Variants in KCNQ3 observed in about 807,000 individuals in gnomAD.
KCNQ3 encodes potassium voltage-gated channel subfamily KQT member 3.
Under a neutral mutation model 92.5 loss-of-function variants are expected in KCNQ3, and 30 were observed. That is an observed-to-expected ratio of 0.32 (90% CI 0.24 to 0.44). KCNQ3 has a LOEUF of 0.44. Among genes scored for constraint, KCNQ3 ranks in the 20% least tolerant of loss-of-function variants. The probability of loss-of-function intolerance (pLI) is 1.00; values close to 1 mark genes in which losing one functional copy is unlikely to be tolerated. For missense variants in KCNQ3, 913 were observed against 1,140.3 expected (o/e 0.80, Z 2.87); for synonymous variants, 450 against 468.8 (o/e 0.96, Z 0.52).
intron 1 of KCNQ3, among the ~76,000 whole-genome samples, chr8:132,389,322 T>C (rs189639963): frequency 7.1e-4 from 108 of 152,298 alleles, no homozygotes; most frequent in Non-Finnish European, 4.0e-4. Context: ...CTGGGCGTGG[T>C]GGCACATGCC....
At chr8:132,475,924 A>T (rs1260011358) in intron 1 of KCNQ3, among the ~76,000 whole-genome samples, 2 of 152,144 alleles carry the variant, frequency 1.3e-5, no homozygotes, top group South Asian at 2.1e-4. Context: ...CCTAGGGGGG[A>T]AAAATGGTTT....
At chr8:132,385,536 G>C (rs777382915) in intron 1 of KCNQ3, among the ~76,000 whole-genome samples, 7 of 152,248 alleles carry the variant, frequency 4.6e-5, no homozygotes, top group Non-Finnish European at 1.0e-4. Flanking sequence ...CCAGGGAGTG[G>C]GTTAGTCATC....
intron 1 of KCNQ3, among the ~76,000 whole-genome samples, chr8:132,304,531 G>T (rs1191930892): frequency 6.6e-6 from 1 of 152,156 alleles, no homozygotes; most frequent in African/African-American, 2.4e-5. Flanking sequence ...GTCCAATACA[G>T]TAACCCTAAC....
intron 1 of KCNQ3, among the ~76,000 whole-genome samples, chr8:132,192,996 C>A (rs1172461820): frequency 6.6e-6 from 1 of 152,086 alleles, no homozygotes; most frequent in Non-Finnish European, 1.5e-5. Context: ...CTCTTACTGC[C>A]CTGGCGTTCC....
chr8:132,223,972 G>A (rs1470101271), intron 1 of KCNQ3, among the ~76,000 whole-genome samples: 1 of 151,594 alleles, frequency 6.6e-6, no homozygotes, highest in Non-Finnish European at 1.5e-5. Context: ...CTATAGTGCA[G>A]TGGTGTGATC....
At chr8:132,217,950 T>C (rs1814095763) in intron 1 of KCNQ3, among the ~76,000 whole-genome samples, 2 of 152,184 alleles carry the variant, frequency 1.3e-5, no homozygotes, top group South Asian at 2.1e-4. Flanking sequence ...AACAGTTTGT[T>C]CTCCTAAGGA....
intron 1 of KCNQ3, among the ~76,000 whole-genome samples, chr8:132,439,290 T>C (rs1402252439): frequency 6.6e-6 from 1 of 151,922 alleles, no homozygotes; most frequent in Non-Finnish European, 1.5e-5. Context: ...ACTGCACAAT[T>C]ATAAATCTAA....
intron 9 of KCNQ3, among the ~76,000 whole-genome samples, chr8:132,154,000 C>T (rs1045586541): frequency 2.7e-5 from 4 of 150,454 alleles, no homozygotes; most frequent in Non-Finnish European, 4.5e-5. Flanking sequence ...AAAAAAAATG[C>T]CATTTTTTTT....
chr8:132,305,846 C>T (rs140020278), intron 1 of KCNQ3, among the ~76,000 whole-genome samples: 1 of 152,216 alleles, frequency 6.6e-6, no homozygotes, highest in Non-Finnish European at 1.5e-5. Context: ...TACACAACTT[C>T]CCCTCATTAA....
chr8:132,265,218 G>T (rs1415165316), intron 1 of KCNQ3, among the ~76,000 whole-genome samples: 2 of 152,214 alleles, frequency 1.3e-5, no homozygotes, highest in Non-Finnish European at 2.9e-5. Context: ...GGGCCTGGTG[G>T]TTTTAAAATT....
intron 1 of KCNQ3, among the ~76,000 whole-genome samples, chr8:132,294,617 A>C (rs1244770565): frequency 6.6e-6 from 1 of 152,170 alleles, no homozygotes; most frequent in Admixed American, 6.5e-5. Flanking sequence ...GTTTGGTGAG[A>C]TACTCTGTAT....
chr8:132,176,922 A>C (rs1024516301), intron 4 of KCNQ3, among the ~76,000 whole-genome samples: 5 of 152,318 alleles, frequency 3.3e-5, no homozygotes, highest in African/African-American at 1.2e-4. Flanking sequence ...AGTTTGGTCT[A>C]TAGCAGAGGG....
chr8:132,430,612 C>G (rs563857630), intron 1 of KCNQ3, among the ~76,000 whole-genome samples: 1 of 152,340 alleles, frequency 6.6e-6, no homozygotes, highest in African/African-American at 2.4e-5. Flanking sequence ...CATTTTTAAA[C>G]CACTCCTTTC....
At chr8:132,145,593 A>G (rs377680657) in intron 9 of KCNQ3, among the ~76,000 whole-genome samples, 3 of 152,238 alleles carry the variant, frequency 2.0e-5, no homozygotes, top group East Asian at 3.8e-4. Context: ...ATTAAAACCA[A>G]TGTGGTTTTC....
At chr8:132,281,652 C>T (rs968693033) in intron 1 of KCNQ3, among the ~76,000 whole-genome samples, 1 of 151,996 alleles carries the variant, frequency 6.6e-6, no homozygotes, top group Admixed American at 6.6e-5. Context: ...TAACAATCTC[C>T]GACCTAGCCC....
chr8:132,328,272 G>T (rs1381386668), intron 1 of KCNQ3, among the ~76,000 whole-genome samples: 1 of 152,122 alleles, frequency 6.6e-6, no homozygotes, highest in Non-Finnish European at 1.5e-5. Context: ...GTCTAACCAG[G>T]TTCCCTGCTG....
chr8:132,357,466 G>A (rs1357783868), intron 1 of KCNQ3, among the ~76,000 whole-genome samples: 1 of 152,352 alleles, frequency 6.6e-6, no homozygotes, highest in Middle Eastern at 3.4e-3. Flanking sequence ...CTCAGACAAT[G>A]ATTGTGCTGG....
intron 1 of KCNQ3, among the ~76,000 whole-genome samples, chr8:132,248,315 G>T (rs1815256871): frequency 7.1e-6 from 1 of 140,288 alleles, no homozygotes. Context: ...CTGATCCATG[G>T]ACCTTTTTTA....
In KCNQ3 at chr8:132,334,840, C is replaced by T. The variant is rs1055184815; in HGVS notation, c.386+145307G>A. Among the ~76,000 whole-genome samples the T allele has an allele frequency of 3.3e-5, 5 of 152,180 alleles. No individual in the cohort carries two copies. In the East Asian group the frequency reaches 7.7e-4, roughly 23 times the overall value. On this transcript the variant is annotated intron_variant, in intron 1 of 14. Coordinates refer to ENST00000388996, the MANE Select transcript of KCNQ3 (RefSeq NM_004519.4). ...CGGCCCCTCCTCTTGAATCCCACTG[C>T]CTGACTTCAGACCCCATCCTTTCTG...
Sources: allele counts gnomAD v4.1 joint callset (sites outside exome capture counted in the v4.1 genomes callset), GRCh38; gene constraint gnomAD v4.1.1; transcripts MANE v1.5; gene names NCBI Gene and HGNC (gene_info 2026-07-23, HGNC 2026-07-21).